The following BOC variants were observed in gnomAD, a reference collection of about 807,000 sequenced individuals.
BOC encodes the protein brother of CDO.
Under a neutral mutation model 112.0 loss-of-function variants are expected in BOC, and 76 were observed. That is an observed-to-expected ratio of 0.68 (90% CI 0.56 to 0.82). BOC has a LOEUF of 0.82. BOC is among the 40% of genes least tolerant of loss of function. The pLI is 0.00. For missense variants in BOC, 1,309 were observed against 1,511.7 expected (o/e 0.87, Z 2.22); for synonymous variants, 580 against 599.8 (o/e 0.97, Z 0.48).
intron 4 of BOC, among the ~76,000 whole-genome samples, chr3:113,265,677 A>G (rs1360066916): frequency 3.9e-5 from 6 of 152,250 alleles, no homozygotes; most frequent in Admixed American, 3.3e-4. Context: ...TCTCTGAGAG[A>G]AAACTCATTA....
chr3:113,253,417 TA>T (rs906785411), intron 4 of BOC, among the ~76,000 whole-genome samples: 7 of 151,156 alleles, frequency 4.6e-5, no homozygotes, highest in African/African-American at 1.7e-4. Flanking sequence ...AAATTTTTTT[TA>T]AAAAAATAGC....
At chr3:113,239,467 G>C (rs1211579870) in intron 2 of BOC, among the ~76,000 whole-genome samples, 3 of 152,212 alleles carry the variant, frequency 2.0e-5, no homozygotes, top group Admixed American at 6.5e-5. Flanking sequence ...GGTGTCCTCT[G>C]AGCAGTGACA....
In BOC at chr3:113,286,892, T is replaced by C; in HGVS notation, c.*30T>C. ...AAGCTGATATCCCAGAAAGACTATA[T>C]ATTGTTTTTTTTTTAAAAAAAAAAA... On this transcript the variant is annotated 3_prime_UTR_variant, in exon 20 of 20. Transcript: ENST00000682979. 1 of 1,498,664 alleles carries C rather than the reference T, an allele frequency of 6.7e-7. No individual in the cohort carries two copies. The highest frequency in any genetic ancestry group is 8.9e-7 in the Non-Finnish European group (1 of 1,123,308). 92.8% of individuals were successfully genotyped at this position (1,498,664 alleles called of 1,614,324 possible). A position where few individuals can be genotyped will look rare whatever the true frequency, so the allele number is the denominator to read the frequency against.
chr3:113,280,501 G>T, intron 13 of BOC, 57 bp from the exon 14 acceptor site: 1 of 1,265,132 alleles, frequency 7.9e-7, no homozygotes, highest in Non-Finnish European at 1.2e-6. Context: ...CAGTGGTTTT[G>T]CTTTGATGAT....
chr3:113,284,975 C>A, intron 18 of BOC, 117 bp downstream of exon 18: 1 of 869,662 alleles, frequency 1.1e-6, no homozygotes, highest in South Asian at 1.6e-5. Flanking sequence ...CAGGGGTCCC[C>A]GTGACTGACA....
intron 15 of BOC, among the ~76,000 whole-genome samples, chr3:113,281,683 G>A (rs1037909246): frequency 2.0e-5 from 3 of 152,208 alleles, no homozygotes; most frequent in African/African-American, 7.2e-5. Context: ...GGTCAGATGG[G>A]GAGATAGCAT....
chr3:113,265,298 T>A (rs1947348737), intron 4 of BOC, among the ~76,000 whole-genome samples: 1 of 152,138 alleles, frequency 6.6e-6, no homozygotes, highest in Non-Finnish European at 1.5e-5. Flanking sequence ...ATCTGCTAGC[T>A]TTAAGTATAT....
In BOC at chr3:113,274,662, T is replaced by C. The variant is rs747892653; in HGVS notation, c.1522T>C (p.Tyr508His). ...EGSGRAPILY[Y>H]VVKHRKQVTN... ...CAGTGGCCGGGCGCCAATCCTCTAC[T>C]ATGTGGTGAAACACCGCAAGGTATG... The change falls in exon 9 of 20, where the codon TAT becomes CAT. Residue 508 changes from tyrosine (Y) to histidine (H), a missense_variant. Coordinates refer to ENST00000682979, the MANE Select transcript of BOC (RefSeq NM_001378074.1). This position sits in a 1 kb window ranked among gnomAD's most constrained non-coding sequence, Gnocchi z 4.8. 6 of 1,600,044 alleles carry C rather than the reference T, an allele frequency of 3.7e-6. No individual in the cohort carries two copies. The highest frequency in any genetic ancestry group is 5.1e-6 in the Non-Finnish European group (6 of 1,169,764).
In BOC at chr3:113,286,680, C is replaced by T; in HGVS notation, c.3166C>T (p.Pro1056Ser). ...VWDPPFHSGP[P>S]CCLGLVPVEE... ...CCTACTCTTTCTCCCCTCAGGGCCC[C>T]CATGCTGCTTGGGCCTTGTGCCAGT... is the stretch of plus-strand genomic sequence containing the variant. Residue 1056 changes from proline (P) to serine (S), a missense_variant, in exon 20 of 20, where the codon CCA becomes TCA. Transcript: ENST00000682979. 2 of 1,578,620 alleles carry T rather than the reference C, an allele frequency of 1.3e-6. No homozygotes were observed. The highest frequency in any genetic ancestry group is 1.7e-6 in the Non-Finnish European group (2 of 1,164,258).
chr3:113,224,780 G>A lies in BOC; in HGVS notation c.-82+8506G>A, dbSNP rs576561181. Among the ~76,000 whole-genome samples the A allele has an allele frequency of 2.6e-4, 40 of 152,160 alleles. No individual in the cohort carries two copies. In the East Asian group the frequency reaches 3.7e-3, roughly 14 times the overall value. On this transcript the variant is annotated intron_variant, in intron 2 of 19. Coordinates refer to ENST00000682979, the MANE Select transcript of BOC (RefSeq NM_001378074.1). ...TTGAGACCAGCCTGGCCAACGTGGC[G>A]AAACCCCATCTCTACTAAAAACACA...
At chr3:113,271,157 G>C (rs1325529936) in intron 6 of BOC, 1 of 720,750 alleles carries the variant, frequency 1.4e-6, no homozygotes, top group Non-Finnish European at 2.5e-6. Context: ...CACAGCACCA[G>C]GCGACTGCCT....
chr3:113,263,545 T>C (rs1947126386), intron 4 of BOC, among the ~76,000 whole-genome samples: 1 of 152,194 alleles, frequency 6.6e-6, no homozygotes, highest in African/African-American at 2.4e-5. Context: ...AATAACTCCC[T>C]TGGAAGTGAT....
At chr3:113,214,639 C>T (rs1022931125) in intron 1 of BOC, among the ~76,000 whole-genome samples, 1 of 152,220 alleles carries the variant, frequency 6.6e-6, no homozygotes. Flanking sequence ...TGCTTTCTTT[C>T]CTCCAAACTC....
At position 113,279,808 on chromosome 3, in the gene BOC, G is replaced by A. The variant is rs368838724; in HGVS notation, c.2024-16G>A. The A allele has an allele frequency of 2.5e-6, 4 of 1,592,646 alleles. No homozygotes were observed. Among genetic ancestry groups the A allele is most frequent in the Middle Eastern group, 3.4e-4 (2 of 5,956 alleles). ...ATTTCCCAGCTCCTGAGTTCAGTGA[G>A]TGTCCCTCTCACCAGGCACCTCCTA... On this transcript the variant is annotated splice_polypyrimidine_tract_variant and intron_variant, in intron 12 of 19. Coordinates refer to ENST00000682979, the MANE Select transcript of BOC (RefSeq NM_001378074.1).
intron 6 of BOC, chr3:113,271,181 C>G: frequency 2.9e-6 from 2 of 685,156 alleles, no homozygotes; most frequent in Non-Finnish European, 2.7e-6. Flanking sequence ...GCCACACCTG[C>G]CTGATGGGAG....
intron 4 of BOC, among the ~76,000 whole-genome samples, chr3:113,253,991 G>A (rs34239722): frequency 0.11 from 16,471 of 152,290 alleles, 1,106 homozygotes; most frequent in Non-Finnish European, 0.16. Flanking sequence ...GAAAGGGAGA[G>A]TTGGAGAGTG....
At position 113,278,762 on chromosome 3, in the gene BOC, C is replaced by T. The variant is rs1426970100; in HGVS notation, c.1795C>T (p.Pro599Ser). The T allele has an allele frequency of 1.3e-6, 2 of 1,557,852 alleles. No homozygotes were observed. Among genetic ancestry groups the T allele is most frequent in the Non-Finnish European group, 1.7e-6 (2 of 1,150,666 alleles). The change falls in exon 11 of 20, where the codon CCA (proline) becomes TCA (serine). Residue 599 changes from proline (P) to serine (S), a missense_variant. Coordinates refer to ENST00000682979, the MANE Select transcript of BOC (RefSeq NM_001378074.1). The surrounding 1 kb of genome is among the most constrained non-coding windows in gnomAD (Gnocchi z 4.2). ...PGASPQSSSQ[P>S]DHGRLSPPEA... ...AGCCAGTCCCCAGAGCAGCAGCCAG[C>T]CAGACCACGGCCGCCTCTCCCGTAA...
chr3:113,242,966 T>A (rs1206106903), intron 2 of BOC, among the ~76,000 whole-genome samples: 1 of 152,112 alleles, frequency 6.6e-6, no homozygotes, highest in African/African-American at 2.4e-5. Flanking sequence ...TGCTAATATT[T>A]AATATAGGGG....
At chr3:113,257,025 T>C (rs1946296622) in intron 4 of BOC, among the ~76,000 whole-genome samples, 2 of 152,160 alleles carry the variant, frequency 1.3e-5, no homozygotes, top group South Asian at 4.1e-4. Context: ...TTTCTCAAAG[T>C]AAAAGATTGT....
Sources: gnomAD v4.1 joint callset for allele counts (sites outside exome capture counted in the v4.1 genomes callset) on GRCh38, gnomAD v4.1.1 for gene constraint, Gnocchi (gnomAD v3.1) non-coding constraint, MANE v1.5 for transcripts, NCBI Gene and HGNC (gene_info 2026-07-23, HGNC 2026-07-21) for gene names.